GALNTL6: variants seen among roughly 807,000 people sequenced by gnomAD.
GALNTL6 encodes the protein polypeptide N-acetylgalactosaminyltransferase-like 6.
GALNTL6 carries 46 observed loss-of-function variants against 73.7 expected under a neutral mutation model. The ratio of observed to expected loss-of-function variants is 0.62; its 90% CI spans 0.49 to 0.80. The LOEUF (loss-of-function observed/expected upper bound fraction) is 0.80, where lower values mean the gene tolerates loss of function less well. GALNTL6 is among the 30% of genes least tolerant of loss of function. GALNTL6 has a pLI of 0.00. For synonymous variants in GALNTL6, 259 were observed against 263.7 expected (o/e 0.98, Z 0.17); for missense variants, 604 against 755.0 (o/e 0.80, Z 2.34).
At chr4:172,218,165 C>T (rs763947366) in intron 2 of GALNTL6, among the ~76,000 whole-genome samples, 1 of 152,092 alleles carries the variant, frequency 6.6e-6, no homozygotes, top group Non-Finnish European at 1.5e-5. Context: ...CATAAGTTTC[C>T]TCTCTTTGCC....
chr4:172,882,651 C>A, intron 7 of GALNTL6, 139 bp from the exon 8 acceptor site: 2 of 652,298 alleles, frequency 3.1e-6, no homozygotes, highest in Admixed American at 4.4e-5. Flanking sequence ...ACCCTATATC[C>A]ACTTACAGAA....
intron 2 of GALNTL6, among the ~76,000 whole-genome samples, chr4:171,916,034 A>G (rs1244960757): frequency 6.6e-6 from 1 of 152,182 alleles, no homozygotes; most frequent in Non-Finnish European, 1.5e-5. Context: ...TGCTAGACAA[A>G]GAAACATACA....
At chr4:171,851,672 C>G (rs915042137) in intron 2 of GALNTL6, among the ~76,000 whole-genome samples, 3 of 152,084 alleles carry the variant, frequency 2.0e-5, no homozygotes, top group African/African-American at 7.2e-5. Flanking sequence ...TTTTTTGGGT[C>G]TATTGATGAA....
chr4:171,960,572 G>T (rs146216502), intron 2 of GALNTL6, among the ~76,000 whole-genome samples: 19 of 151,526 alleles, frequency 1.3e-4, no homozygotes, highest in Non-Finnish European at 2.1e-4. Context: ...GAGCCACCAC[G>T]CCCTGCCAGG....
rs147733182 is a variant in GALNTL6, at chr4:172,394,598, A to G, written c.553+45909A>G. ...AGGCACACACCACCACGCCCAGCTA[A>G]TTTTTGTATTTTTAGTAGAGATGGG... is the stretch of plus-strand genomic sequence containing the variant. On this transcript the variant is annotated intron_variant, in intron 5 of 12. Transcript: ENST00000506823. 8.1e-3 allele frequency among the ~76,000 whole-genome samples: 1,221 copies of G among 151,578 alleles called. 10 individuals are homozygous for G. The highest frequency in any genetic ancestry group is 0.028 in the African/African-American group (1,154 of 41,344).
At chr4:171,884,969 AT>A in intron 2 of GALNTL6, among the ~76,000 whole-genome samples, 1 of 151,930 alleles carries the variant, frequency 6.6e-6, no homozygotes, top group Non-Finnish European at 1.5e-5. Flanking sequence ...AGGCAGGAGA[AT>A]TGCTTGAACC....
At chr4:171,921,272 C>G (rs1455065943) in intron 2 of GALNTL6, among the ~76,000 whole-genome samples, 1 of 152,026 alleles carries the variant, frequency 6.6e-6, no homozygotes, top group Non-Finnish European at 1.5e-5. Context: ...TACTTACTGA[C>G]TATGTGTCGA....
chr4:172,555,799 A>G (rs1008972432), intron 5 of GALNTL6, among the ~76,000 whole-genome samples: 6 of 152,088 alleles, frequency 3.9e-5, no homozygotes, highest in Admixed American at 3.9e-4. Context: ...AGATTGGGTA[A>G]CTCTTTCTAC....
intron 2 of GALNTL6, among the ~76,000 whole-genome samples, chr4:172,201,650 C>T (rs77344238): frequency 1.5e-3 from 222 of 152,068 alleles, no homozygotes; most frequent in African/African-American, 5.1e-3. Flanking sequence ...TTTTGTAGTA[C>T]TTCCCTAGTT....
chr4:171,966,725 C>G (rs1413901160), intron 2 of GALNTL6, among the ~76,000 whole-genome samples: 1 of 152,146 alleles, frequency 6.6e-6, no homozygotes, highest in African/African-American at 2.4e-5. Context: ...CTGGTTAAAA[C>G]AAACAGAGCT....
At chr4:172,106,713 T>C (rs144446810) in intron 2 of GALNTL6, among the ~76,000 whole-genome samples, 3 of 152,282 alleles carry the variant, frequency 2.0e-5, no homozygotes, top group East Asian at 3.9e-4. Context: ...GTTAAATATA[T>C]TGTTGATCTC....
At chr4:173,026,979 T>C (rs1561094684) in intron 12 of GALNTL6, among the ~76,000 whole-genome samples, 1 of 152,198 alleles carries the variant, frequency 6.6e-6, no homozygotes, top group Non-Finnish European at 1.5e-5. Flanking sequence ...TATATCTGTA[T>C]ATCTATATAG....
At chr4:172,165,347 C>T (rs1466958525) in intron 2 of GALNTL6, among the ~76,000 whole-genome samples, 4 of 151,982 alleles carry the variant, frequency 2.6e-5, no homozygotes, top group African/African-American at 4.8e-5. Context: ...GTTAATTGTC[C>T]GTTGCCACAC....
At chr4:172,982,998 G>A (rs1751137170) in intron 10 of GALNTL6, among the ~76,000 whole-genome samples, 2 of 152,156 alleles carry the variant, frequency 1.3e-5, no homozygotes, top group African/African-American at 2.4e-5. Flanking sequence ...ATGGGTGGGA[G>A]GGAGGTGGAT....
At chr4:172,274,603 A>G (rs1738765871) in intron 3 of GALNTL6, among the ~76,000 whole-genome samples, 1 of 152,208 alleles carries the variant, frequency 6.6e-6, no homozygotes, top group Non-Finnish European at 1.5e-5. Flanking sequence ...CATGGAGAAT[A>G]AAATGATTGA....
At chr4:171,988,338 G>A (rs1485124856) in intron 2 of GALNTL6, among the ~76,000 whole-genome samples, 1 of 152,192 alleles carries the variant, frequency 6.6e-6, no homozygotes, top group Non-Finnish European at 1.5e-5. Context: ...GCCAAGATAC[G>A]TAACAGATGT....
chr4:172,962,659 G>T (rs1028450425), intron 10 of GALNTL6, among the ~76,000 whole-genome samples: 3 of 152,016 alleles, frequency 2.0e-5, no homozygotes, highest in Non-Finnish European at 4.4e-5. Flanking sequence ...GGGAGATCTG[G>T]GCCAAGAAGC....
At chr4:172,874,649 G>A (rs1745102387) in intron 7 of GALNTL6, among the ~76,000 whole-genome samples, 1 of 152,134 alleles carries the variant, frequency 6.6e-6, no homozygotes, top group African/African-American at 2.4e-5. Flanking sequence ...TAGGTGTGTG[G>A]TTGGCAATTT....
intron 7 of GALNTL6, among the ~76,000 whole-genome samples, chr4:172,830,862 A>G (rs1227109108): frequency 2.6e-5 from 4 of 152,116 alleles, no homozygotes; most frequent in African/African-American, 7.2e-5. Flanking sequence ...ATGAACAGAA[A>G]ACAAGATTCA....
Sources: gnomAD v4.1 joint callset for allele counts (sites outside exome capture counted in the v4.1 genomes callset) on GRCh38, gnomAD v4.1.1 for gene constraint, MANE v1.5 for transcripts, NCBI Gene and HGNC (gene_info 2026-07-23, HGNC 2026-07-21) for gene names.